Variants in ZCCHC4 observed in about 807,000 individuals in gnomAD.
ZCCHC4 encodes the protein rRNA N(6)-adenosine-methyltransferase ZCCHC4.
A neutral mutation model predicts 67.7 loss-of-function variants in ZCCHC4; 54 were observed. That is an observed-to-expected ratio of 0.80 (90% CI 0.64 to 1.00). The LOEUF (loss-of-function observed/expected upper bound fraction) is 1.00, where lower values mean the gene tolerates loss of function less well. Among genes scored for constraint, ZCCHC4 ranks in the 50% least tolerant of loss-of-function variants. The pLI, the probability that ZCCHC4 is intolerant of heterozygous loss-of-function variation, is 0.00. For synonymous variants in ZCCHC4, 198 were observed against 213.5 expected (o/e 0.93, Z 0.63); for missense variants, 609 against 617.0 (o/e 0.99, Z 0.14).
intron 6 of ZCCHC4, among the ~76,000 whole-genome samples, chr4:25,346,910 G>T (rs963865542): frequency 6.6e-6 from 1 of 152,194 alleles, no homozygotes; most frequent in African/African-American, 2.4e-5. Context: ...AAAAGAACTG[G>T]GTTGTCTAGG....
intron 8 of ZCCHC4, among the ~76,000 whole-genome samples, chr4:25,360,305 C>T (rs1041515545): frequency 6.6e-6 from 1 of 152,228 alleles, no homozygotes; most frequent in East Asian, 1.9e-4. Context: ...GGCCATTTAG[C>T]GGGCATATGC....
chr4:25,360,146 G>C (rs555362289), intron 8 of ZCCHC4, among the ~76,000 whole-genome samples: 1 of 152,184 alleles, frequency 6.6e-6, no homozygotes, highest in Admixed American at 6.5e-5. Context: ...TGTTGCCGCA[G>C]GGCTTTTTGC....
chr4:25,351,682 A>G lies in ZCCHC4; in HGVS notation c.1004A>G (p.Asp335Gly), dbSNP rs753464905. Residue 335 changes from aspartate (D) to glycine (G), a missense_variant, in exon 8 of 13, where the codon GAT (aspartate) becomes GGT (glycine). By Grantham distance (94) the Asp-to-Gly change is moderately conservative. Coordinates refer to ENST00000302874, the MANE Select transcript of ZCCHC4 (RefSeq NM_024936.3). ...TTTTTTCCAAGCTTCCAGATGCTGG[A>G]TTACCAGGTAGAGTACATATTCTGT... Reference protein sequence around the residue: ...CQFFPSFQMLDYQVDYDNHAL... With the variant: ...CQFFPSFQMLGYQVDYDNHAL... 6.8e-6 allele frequency: 11 copies of G among 1,609,260 alleles called. No individual in the cohort carries two copies. Among genetic ancestry groups the G allele is most frequent in the Non-Finnish European group, 2.5e-6 (3 of 1,176,932 alleles).
At chr4:25,322,020 A>G (rs992745806) in intron 3 of ZCCHC4, among the ~76,000 whole-genome samples, 2 of 152,212 alleles carry the variant, frequency 1.3e-5, no homozygotes, top group Non-Finnish European at 2.9e-5. Context: ...TCTGAACTAC[A>G]TCTTGGCCTC....
Position 25,349,598 on chromosome 4 carries a change from C to T in ZCCHC4, c.866C>T (p.Thr289Ile), listed in dbSNP as rs745442354. Residue 289 changes from threonine to isoleucine, a missense_variant, in exon 7 of 13, where the codon ACA becomes ATA. Thr to Ile is a moderately conservative substitution (Grantham distance 89). Coordinates refer to ENST00000302874, the MANE Select transcript of ZCCHC4 (RefSeq NM_024936.3). ...FGGLVEPLAI[T>I]FKKLIAMWKE... ...GGCTTGGTTGAACCTCTGGCTATTACATTCAAGAAGTTAATTGCTATGTGG... is the reference window on the plus strand; with the variant it reads ...GGCTTGGTTGAACCTCTGGCTATTATATTCAAGAAGTTAATTGCTATGTGG... 1 of 1,613,982 alleles carries T rather than the reference C, an allele frequency of 6.2e-7. No individual in the cohort carries two copies. The highest frequency in any genetic ancestry group is 8.5e-7 in the Non-Finnish European group (1 of 1,179,902).
At chr4:25,332,510 T>C (rs1235009111) in intron 3 of ZCCHC4, among the ~76,000 whole-genome samples, 1 of 152,132 alleles carries the variant, frequency 6.6e-6, no homozygotes, top group Non-Finnish European at 1.5e-5. Flanking sequence ...ATGATTATTT[T>C]CTCTCTCCAA....
intron 8 of ZCCHC4, among the ~76,000 whole-genome samples, chr4:25,357,287 G>T (rs1720555745): frequency 6.6e-6 from 1 of 152,160 alleles, no homozygotes; most frequent in Admixed American, 6.5e-5. Context: ...ATTTTTCAAA[G>T]AAATGAACTA....
chr4:25,362,005 G>T, intron 9 of ZCCHC4, 25 bp downstream of exon 9: 1 of 1,600,634 alleles, frequency 6.2e-7, no homozygotes. Context: ...GAACTTTGAA[G>T]TACACAAGTC....
chr4:25,317,704 CAAAAAAAA>C (rs778867924), intron 3 of ZCCHC4, among the ~76,000 whole-genome samples: 1 of 72,350 alleles, frequency 1.4e-5, no homozygotes, highest in East Asian at 3.9e-4. Flanking sequence ...GACGCTGTCA[CAAAAAAAA>C]AAAAAAAAAA....
chr4:25,353,551 C>G (rs747428483), intron 8 of ZCCHC4, among the ~76,000 whole-genome samples: 2 of 152,226 alleles, frequency 1.3e-5, no homozygotes, highest in Admixed American at 6.5e-5. Context: ...TAGTTTTCAG[C>G]AGCATCTTCC....
intron 7 of ZCCHC4, 101 bp from the exon 8 acceptor site, chr4:25,351,488 T>A (rs1230716816): frequency 1.3e-6 from 1 of 749,124 alleles, no homozygotes; most frequent in Non-Finnish European, 2.2e-6. Context: ...TTTAAATGTG[T>A]TGAATCATTG....
intron 2 of ZCCHC4, among the ~76,000 whole-genome samples, chr4:25,314,900 A>T (rs561019881): frequency 6.6e-6 from 1 of 152,300 alleles, no homozygotes; most frequent in South Asian, 2.1e-4. Flanking sequence ...TAGATGACCA[A>T]TGAAGGCACT....
At chr4:25,317,783 A>G (rs1447558626) in intron 3 of ZCCHC4, among the ~76,000 whole-genome samples, 1 of 151,534 alleles carries the variant, frequency 6.6e-6, no homozygotes, top group African/African-American at 2.4e-5. Flanking sequence ...GGTGTTTTAC[A>G]TGAGATATTA....
intron 3 of ZCCHC4, among the ~76,000 whole-genome samples, chr4:25,320,634 T>C (rs1007645057): frequency 2.6e-5 from 4 of 152,238 alleles, no homozygotes; most frequent in Non-Finnish European, 5.9e-5. Context: ...ATGTTCTCTC[T>C]ACCAACCTTT....
chr4:25,318,325 T>TG (rs1577722105), intron 3 of ZCCHC4, among the ~76,000 whole-genome samples: 10 of 129,662 alleles, frequency 7.7e-5, no homozygotes, highest in East Asian at 2.1e-4. Context: ...AAACCACTGT[T>TG]CTTTTTTTTT....
intron 8 of ZCCHC4, among the ~76,000 whole-genome samples, chr4:25,353,497 G>T (rs2109085261): frequency 6.6e-6 from 1 of 152,308 alleles, no homozygotes; most frequent in South Asian, 2.1e-4. Context: ...GCAATACGGA[G>T]ATAGCTGACA....
intron 4 of ZCCHC4, 135 bp downstream of exon 4, chr4:25,333,593 C>T: frequency 9.9e-7 from 1 of 1,013,046 alleles, no homozygotes; most frequent in South Asian, 1.7e-5. Context: ...AGCACAGTCC[C>T]TCTCTTAAGG....
intron 8 of ZCCHC4, among the ~76,000 whole-genome samples, chr4:25,361,391 GC>G (rs1720729614): frequency 6.6e-6 from 1 of 152,208 alleles, no homozygotes; most frequent in South Asian, 2.1e-4. Flanking sequence ...TCAGGAGTAG[GC>G]CGAGGTGGCT....
chr4:25,313,561 C>G (rs986279637), intron 1 of ZCCHC4, among the ~76,000 whole-genome samples: 1 of 152,162 alleles, frequency 6.6e-6, no homozygotes, highest in Non-Finnish European at 1.5e-5. Flanking sequence ...AATGTTGTAA[C>G]AGAGAGAAAA....
Sources: gnomAD v4.1 joint callset for allele counts (sites outside exome capture counted in the v4.1 genomes callset) on GRCh38, gnomAD v4.1.1 for gene constraint, MANE v1.5 for transcripts, NCBI Gene and HGNC (gene_info 2026-07-23, HGNC 2026-07-21) for gene names.